The following EDC4 variants were observed in gnomAD, a reference collection of about 807,000 sequenced individuals.
The protein encoded by EDC4 is enhancer of mRNA decapping 4.
In EDC4, 64 loss-of-function variants were observed where a neutral mutation model predicts 155.8. The observed-to-expected ratio is 0.41, with a 90% CI of 0.34 to 0.51. The LOEUF (loss-of-function observed/expected upper bound fraction) is 0.51, where lower values mean the gene tolerates loss of function less well. Among genes scored for constraint, EDC4 ranks in the 20% least tolerant of loss-of-function variants. The probability of loss-of-function intolerance (pLI) is 0.19; values close to 1 mark genes in which losing one functional copy is unlikely to be tolerated. For missense variants in EDC4, 1,303 were observed against 1,812.5 expected, an observed-to-expected ratio of 0.72 and a Z score of 5.10; for synonymous variants, 684 against 716.8, an observed-to-expected ratio of 0.95 and a Z score of 0.73.
At position 67,878,735 on chromosome 16, in the gene EDC4, A is replaced by G. The variant is rs1339401347; in HGVS notation, c.1185-2A>G. ...CATTCACTCTGCTTTGTGGCTCTCT[A>G]GCTTCTCCCCAGATATCTTCAGCTC... On this transcript the variant is annotated splice_acceptor_variant, in intron 10 of 28. Transcript: ENST00000358933. LOFTEE classifies it high-confidence loss of function. The surrounding 1 kb of genome is among the most constrained non-coding windows in gnomAD (Gnocchi z 5.2). 6.2e-7 allele frequency: 1 copy of G among 1,614,082 alleles called. No individual in the cohort carries two copies. The highest frequency in any genetic ancestry group is 1.3e-5 in the African/African-American group (1 of 75,020).
In EDC4 at chr16:67,880,970, C is replaced by T; in HGVS notation, c.2511C>T (p.Thr837=). 1 of 1,613,660 alleles carries T rather than the reference C, an allele frequency of 6.2e-7. No individual in the cohort carries two copies. The change falls in exon 18 of 29, where the codon ACC becomes ACT. Residue 837 remains threonine (T), a synonymous_variant. Transcript: ENST00000358933. This position sits in a 1 kb window ranked among gnomAD's most constrained non-coding sequence, Gnocchi z 5.2. ...CAGCACCTGACATTACTCGTGAGAC[C>T]TGCAGCACCCTGGCAGAAAGGTGAG... is the stretch of plus-strand genomic sequence containing the variant. ...WPTAPDITRE[T]CSTLAESPRN...
In EDC4 at chr16:67,881,074, A is replaced by G; in HGVS notation, c.2532-2A>G. ...CATGGCTAAGTTGGCCTGTCCTCCC[A>G]GCCCCAGGAATGGCCTTCAGGAAAA... is the stretch of plus-strand genomic sequence containing the variant. On this transcript the variant is annotated splice_acceptor_variant, in intron 18 of 28. Transcript: ENST00000358933. LOFTEE classifies it high-confidence loss of function. This position sits in a 1 kb window ranked among gnomAD's most constrained non-coding sequence, Gnocchi z 5.4. The G allele has an allele frequency of 6.2e-7, 1 of 1,614,124 alleles. No individual in the cohort carries two copies. Among genetic ancestry groups the G allele is most frequent in the Admixed American group, 1.7e-5 (1 of 60,022 alleles).
chr16:67,881,719 G>T lies in EDC4; in HGVS notation c.2878G>T (p.Glu960Ter). ...WPALIWQQQR[E>*]LAELRHSQEE... ...AGCACTAATTTGGCAACAGCAGAGA[G>T]AGCTGGCAGAGCTGCGGCACAGCCA... Residue 960 changes from glutamate to a stop codon, truncating the protein, a stop_gained, in exon 22 of 29, where the codon GAG becomes TAG. Coordinates refer to ENST00000358933, the MANE Select transcript of EDC4 (RefSeq NM_014329.5). LOFTEE classifies it high-confidence loss of function. This position sits in a 1 kb window ranked among gnomAD's most constrained non-coding sequence, Gnocchi z 5.4. The T allele has an allele frequency of 3.7e-6, 6 of 1,614,066 alleles. No homozygotes were observed. Among genetic ancestry groups the T allele is most frequent in the Non-Finnish European group, 5.1e-6 (6 of 1,179,986 alleles).
Position 67,880,888 on chromosome 16 carries a change from T to C in EDC4, c.2429T>C (p.Leu810Pro). Residue 810 changes from leucine (L) to proline (P), a missense_variant, in exon 18 of 29, where the codon CTC becomes CCC. Physicochemically the swap from Leu to Pro is moderately conservative, Grantham distance 98 (BLOSUM62 -3). This residue lies in a region of EDC4 where 391 missense variants were observed against 445.4 expected (regional missense o/e 0.88). Coordinates refer to ENST00000358933, the MANE Select transcript of EDC4 (RefSeq NM_014329.5). The surrounding 1 kb of genome is among the most constrained non-coding windows in gnomAD (Gnocchi z 5.2). ...GDGDRHNTPS[L>P]LEAALTQEAS... ...GGAGATCGGCATAATACCCCCTCCC[T>C]CCTGGAGGCAGCCTTGACCCAGGAG... 6.2e-7 allele frequency: 1 copy of C among 1,613,810 alleles called. No individual in the cohort carries two copies. The highest frequency in any genetic ancestry group is 8.5e-7 in the Non-Finnish European group (1 of 1,179,966).
In EDC4 at chr16:67,881,023, C is replaced by T. The variant is rs1458608327; in HGVS notation, c.2531+33C>T. ...GCTTGGGAGGGGAAAAGTGTGCTAG[C>T]AGGAGGGGCTTCAGATAGATTCATC... On this transcript the variant is annotated intron_variant, in intron 18 of 28. Coordinates refer to ENST00000358933, the MANE Select transcript of EDC4 (RefSeq NM_014329.5). This position sits in a 1 kb window ranked among gnomAD's most constrained non-coding sequence, Gnocchi z 5.4. The T allele has an allele frequency of 1.2e-6, 2 of 1,613,706 alleles. No homozygotes were observed. Among genetic ancestry groups the T allele is most frequent in the African/African-American group, 1.3e-5 (1 of 74,918 alleles).
rs2058062449 is a variant in EDC4 at position 67,880,520 on chromosome 16, TC to T, written c.2098-35del. On this transcript the variant is annotated intron_variant, in intron 17 of 28. Coordinates refer to ENST00000358933, the MANE Select transcript of EDC4 (RefSeq NM_014329.5). The surrounding 1 kb of genome is among the most constrained non-coding windows in gnomAD (Gnocchi z 5.2). The stretch of plus-strand genomic sequence containing the variant: ...CTGTGCCCCCCATCTCTGCCTCACT[TC>T]CTGTCACTTAAGCCCCCATCTTTGG... The T allele has an allele frequency of 6.2e-7, 1 of 1,602,068 alleles. No homozygotes were observed. The highest frequency in any genetic ancestry group is 1.3e-5 in the African/African-American group (1 of 74,614).
chr16:67,882,344 G>A lies in EDC4; in HGVS notation c.3276+17G>A. On this transcript the variant is annotated intron_variant, in intron 24 of 28. Transcript: ENST00000358933. The surrounding 1 kb of genome is among the most constrained non-coding windows in gnomAD (Gnocchi z 7.2). ...AAGTCCAAGGTGCTATAGGGCCCAAGATGTGGGTGGAGGTGGTGGTTCCTG... is the reference window on the plus strand; with the variant it reads ...AAGTCCAAGGTGCTATAGGGCCCAAAATGTGGGTGGAGGTGGTGGTTCCTG... The A allele has an allele frequency of 1.2e-6, 2 of 1,613,892 alleles. No homozygotes were observed. Among genetic ancestry groups the A allele is most frequent in the Non-Finnish European group, 1.7e-6 (2 of 1,179,898 alleles).
rs1168291435 is a variant in EDC4 at position 67,880,974 on chromosome 16, A to G, written c.2515A>G (p.Ser839Gly). The G allele has an allele frequency of 6.2e-7, 1 of 1,613,536 alleles. No individual in the cohort carries two copies. The highest frequency in any genetic ancestry group is 8.5e-7 in the Non-Finnish European group (1 of 1,179,766). ...TAPDITRETC[S>G]TLAESPRNGL... ...ACCTGACATTACTCGTGAGACCTGC[A>G]GCACCCTGGCAGAAAGGTGAGGAGC... Residue 839 changes from serine to glycine, a missense_variant, in exon 18 of 29, where the codon AGC (serine) becomes GGC (glycine). Physicochemically the swap from Ser to Gly is moderately conservative, Grantham distance 56 (BLOSUM62 0). Transcript: ENST00000358933. The surrounding 1 kb of genome is among the most constrained non-coding windows in gnomAD (Gnocchi z 5.2).
At position 67,883,455 on chromosome 16, in the gene EDC4, G is replaced by T; in HGVS notation, c.3850-113G>T. The T allele has an allele frequency of 6.7e-7, 1 of 1,493,332 alleles. No individual in the cohort carries two copies. The highest frequency in any genetic ancestry group is 1.2e-5 in the South Asian group (1 of 80,548). 92.5% of individuals were successfully genotyped at this position (1,493,332 alleles called of 1,614,324 possible). On this transcript the variant is annotated intron_variant, in intron 27 of 28. Transcript: ENST00000358933. The surrounding 1 kb of genome is among the most constrained non-coding windows in gnomAD (Gnocchi z 5.3). ...CTACAGGCTCTCTCTGAGTCCCTCTGGAGCTCTCACTAGCCCACCCTGTGG... is the reference window on the plus strand; with the variant it reads ...CTACAGGCTCTCTCTGAGTCCCTCTTGAGCTCTCACTAGCCCACCCTGTGG...
rs965088649 is a variant in EDC4, at chr16:67,878,466, G to A, written c.1088+23G>A. On this transcript the variant is annotated intron_variant, in intron 9 of 28. Transcript: ENST00000358933. The surrounding 1 kb of genome is among the most constrained non-coding windows in gnomAD (Gnocchi z 5.2). The stretch of plus-strand genomic sequence containing the variant: ...TGAGTGAGTGAGTGGGCAGCCTAGT[G>A]GGTGGTGGGCTGGACCATGGCTCCC... 5 of 1,614,096 alleles carry A rather than the reference G, an allele frequency of 3.1e-6. No homozygotes were observed. Among genetic ancestry groups the A allele is most frequent in the Non-Finnish European group, 4.2e-6 (5 of 1,180,040 alleles).
At chr16:67,875,770 C>T in intron 1 of EDC4, 175 bp from the exon 2 acceptor site, 1 of 1,430,888 alleles carries the variant, frequency 7.0e-7, no homozygotes, top group Admixed American at 2.8e-5. Flanking sequence ...CTTGGTCCTG[C>T]CTACATCAGT....
chr16:67,874,745 A>C (rs2058035021), intron 1 of EDC4, among the ~76,000 whole-genome samples: 1 of 152,222 alleles, frequency 6.6e-6, no homozygotes, highest in South Asian at 2.1e-4. Context: ...TTTGCCAAGC[A>C]GCTCTTTCTT....
Position 67,877,898 on chromosome 16 carries a change from C to A in EDC4, c.894+53C>A. On this transcript the variant is annotated intron_variant, in intron 7 of 28. Coordinates refer to ENST00000358933, the MANE Select transcript of EDC4 (RefSeq NM_014329.5). The surrounding 1 kb of genome is among the most constrained non-coding windows in gnomAD (Gnocchi z 4.9). ...GCCCTCCCCACTTCCTCATATCCAT[C>A]TTCTGTTCCCTATATCCACAGCTGC... The A allele has an allele frequency of 6.2e-7, 1 of 1,605,888 alleles. No homozygotes were observed. Among genetic ancestry groups the A allele is most frequent in the South Asian group, 1.1e-5 (1 of 90,228 alleles).
rs775096119 is a variant in EDC4, at chr16:67,881,216, G to A, written c.2636+36G>A. On this transcript the variant is annotated intron_variant, in intron 19 of 28. Coordinates refer to ENST00000358933, the MANE Select transcript of EDC4 (RefSeq NM_014329.5). The surrounding 1 kb of genome is among the most constrained non-coding windows in gnomAD (Gnocchi z 5.4). ...CTCTACACCATTGCCCTCATGGGGG[G>A]ATGGGCAGCAAGTGGGCAGGGGCTT... 6.2e-6 allele frequency: 10 copies of A among 1,614,088 alleles called. No homozygotes were observed. The highest frequency in any genetic ancestry group is 1.6e-4 in the Middle Eastern group (1 of 6,062).
Position 67,873,428 on chromosome 16 carries a change from C to T in EDC4, c.82+85C>T, listed in dbSNP as rs1436930068. The T allele has an allele frequency of 1.0e-5, 11 of 1,089,920 alleles. No individual in the cohort carries two copies. The Admixed American group carries it at 3.9e-4, about 39-fold the overall frequency. The allele number at this position is 1,089,920 out of a possible 1,614,324, so 67.5% of individuals were successfully genotyped here. A position where few individuals can be genotyped will look rare whatever the true frequency, so the allele number is the denominator to read the frequency against. On this transcript the variant is annotated intron_variant, in intron 1 of 28. Coordinates refer to ENST00000358933, the MANE Select transcript of EDC4 (RefSeq NM_014329.5). ...GAACCGCCATTGGGGCCCACAGCTC[C>T]CTTAGGACTAGCTCTGGATCCTCCC...
In EDC4 at chr16:67,883,362, C is replaced by A; in HGVS notation, c.3849+185C>A. The A allele has an allele frequency of 7.7e-7, 1 of 1,290,458 alleles. No homozygotes were observed. The highest frequency in any genetic ancestry group is 1.4e-5 in the South Asian group (1 of 70,180). The allele number at this position is 1,290,458 out of a possible 1,614,324, so 79.9% of individuals were successfully genotyped here. A position where few individuals can be genotyped will look rare whatever the true frequency, so the allele number is the denominator to read the frequency against. ...CCTGGACCCCTTTCTTCCCACCTAG[C>A]CCACCTTGCTTTACAACTACCCTTC... is the stretch of plus-strand genomic sequence containing the variant. On this transcript the variant is annotated intron_variant, in intron 27 of 28. Coordinates refer to ENST00000358933, the MANE Select transcript of EDC4 (RefSeq NM_014329.5). This position sits in a 1 kb window ranked among gnomAD's most constrained non-coding sequence, Gnocchi z 5.3.
rs374486323 is a variant in EDC4 at position 67,882,055 on chromosome 16, G to A, written c.3106G>A (p.Ala1036Thr). The stretch of plus-strand genomic sequence containing the variant: ...GTCCCAAGCACTGTCGTCAGCTGTA[G>A]CTGGGCGGCTAGAGCGCAGCATACG... ...QLSQALSSAV[A>T]GRLERSIRDE... is the part of the protein sequence containing the mutation. Residue 1036 changes from alanine (A) to threonine (T), a missense_variant, in exon 23 of 29, where the codon GCT becomes ACT. Transcript: ENST00000358933. The surrounding 1 kb of genome is among the most constrained non-coding windows in gnomAD (Gnocchi z 7.2). 136 of 1,612,970 alleles carry A rather than the reference G, an allele frequency of 8.4e-5. No homozygotes were observed. Among genetic ancestry groups the A allele is most frequent in the Non-Finnish European group, 1.1e-4 (132 of 1,179,770 alleles).
rs1567391301 is a variant in EDC4 at position 67,881,227 on chromosome 16, A to G, written c.2637-38A>G. 8 of 1,613,990 alleles carry G rather than the reference A, an allele frequency of 5.0e-6. No homozygotes were observed. Among genetic ancestry groups the G allele is most frequent in the Middle Eastern group, 1.6e-4 (1 of 6,062 alleles). On this transcript the variant is annotated intron_variant, in intron 19 of 28. Transcript: ENST00000358933. This position sits in a 1 kb window ranked among gnomAD's most constrained non-coding sequence, Gnocchi z 5.4. ...TGCCCTCATGGGGGGATGGGCAGCA[A>G]GTGGGCAGGGGCTTACTCCTCCTTC... is the stretch of plus-strand genomic sequence containing the variant.
chr16:67,881,674 G>C lies in EDC4; in HGVS notation c.2833G>C (p.Glu945Gln). 1 of 1,612,432 alleles carries C rather than the reference G, an allele frequency of 6.2e-7. No individual in the cohort carries two copies. Among genetic ancestry groups the C allele is most frequent in the Non-Finnish European group, 8.5e-7 (1 of 1,178,636 alleles). The change falls in exon 22 of 29, where the codon GAG becomes CAG. Residue 945 changes from glutamate (E) to glutamine (Q), a missense_variant. This residue lies in a region of EDC4 where 527 missense variants were observed against 757.0 expected (regional missense o/e 0.70). Transcript: ENST00000358933. This position sits in a 1 kb window ranked among gnomAD's most constrained non-coding sequence, Gnocchi z 5.4. ...GSRLTEHQVA[E>Q]PPEDWPALIW... ...CTGTCAGTGCTACTGACAGGTGGCA[G>C]AGCCCCCTGAGGACTGGCCAGCACT... is the stretch of plus-strand genomic sequence containing the variant.
Sources: gnomAD v4.1 joint callset for allele counts (sites outside exome capture counted in the v4.1 genomes callset) on GRCh38, gnomAD v4.1.1 for gene constraint, gnomAD v4.1.1 regional missense constraint, Gnocchi (gnomAD v3.1) non-coding constraint, MANE v1.5 for transcripts, NCBI Gene and HGNC (gene_info 2026-07-23, HGNC 2026-07-21) for gene names.